The following IL31RA variants were observed in gnomAD, a reference collection of about 807,000 sequenced individuals.
The protein encoded by IL31RA is interleukin-31 receptor subunit alpha.
A neutral mutation model predicts 83.7 loss-of-function variants in IL31RA; 66 were observed. That is an observed-to-expected ratio of 0.79 (90% CI 0.65 to 0.97). The LOEUF is 0.97. Ranked by LOEUF, IL31RA falls within the 50% of genes least tolerant of loss-of-function variation. IL31RA has a pLI of 0.00. For synonymous variants in IL31RA, 325 were observed against 329.0 expected, an observed-to-expected ratio of 0.99 and a Z score of 0.13; for missense variants, 798 against 919.4, an observed-to-expected ratio of 0.87 and a Z score of 1.71.
rs1748526299 is a variant in IL31RA, at chr5:55,897,971, G to A, written c.852+1542G>A. On this transcript the variant is annotated intron_variant, in intron 7 of 14. Transcript: ENST00000652347. ...CATTCCAATTACCTCAGGGTTGGAGGCTCCCGCACCATCGCCCACTCCCTC... is the reference window on the plus strand; with the variant it reads ...CATTCCAATTACCTCAGGGTTGGAGACTCCCGCACCATCGCCCACTCCCTC... Among the ~76,000 whole-genome samples the A allele has an allele frequency of 2.0e-5, 3 of 152,190 alleles. No individual in the cohort carries two copies. In the South Asian group the frequency reaches 6.2e-4, roughly 32 times the overall value.
At position 55,868,909 on chromosome 5, in the gene IL31RA, G is replaced by A. The variant is rs1746349450; in HGVS notation, c.272+1G>A. ...CCCAGTACACAGTTAAGAGAACTTA[G>A]TAAGTACAGGAGCTTGTGTTTTATC... is the stretch of plus-strand genomic sequence containing the variant. On this transcript the variant is annotated splice_donor_variant, in intron 3 of 14. Transcript: ENST00000652347. LOFTEE classifies it high-confidence loss of function. 1 of 1,413,540 alleles carries A rather than the reference G, an allele frequency of 7.1e-7. No homozygotes were observed. The highest frequency in any genetic ancestry group is 1.0e-6 in the Non-Finnish European group (1 of 997,964). 87.6% of individuals were successfully genotyped at this position (1,413,540 alleles called of 1,614,324 possible). A position where few individuals can be genotyped will look rare whatever the true frequency, so the allele number is the denominator to read the frequency against.
chr5:55,869,710 G>A (rs1406749429), intron 3 of IL31RA, among the ~76,000 whole-genome samples: 1 of 152,146 alleles, frequency 6.6e-6, no homozygotes, highest in Non-Finnish European at 1.5e-5. Flanking sequence ...CGGACTTCAA[G>A]TGATCCGCCC....
the IL31RA span, chr5:55,839,860 C>T: frequency 1.3e-6 from 1 of 743,394 alleles, no homozygotes; most frequent in Non-Finnish European, 2.5e-6. Context: ...CAACAAAAGC[C>T]TTGTCACCCA....
Position 55,916,678 on chromosome 5 carries a change from T to C in IL31RA, c.1853T>C (p.Val618Ala). Residue 618 changes from valine (V) to alanine (A), a missense_variant, in exon 15 of 15, where the codon GTG (valine) becomes GCG (alanine). Transcript: ENST00000652347. ...KLNLKESDDS[V>A]NTEDRILKPC... is the part of the protein sequence containing the mutation. ...AACCTGAAGGAGTCTGATGACTCTG[T>C]GAACACAGAAGACAGGATCTTAAAA... 2 of 1,614,194 alleles carry C rather than the reference T, an allele frequency of 1.2e-6. No individual in the cohort carries two copies. The highest frequency in any genetic ancestry group is 1.7e-6 in the Non-Finnish European group (2 of 1,180,028).
At position 55,880,814 on chromosome 5, in the gene IL31RA, T is replaced by C. The variant is rs1250714263; in HGVS notation, c.455-2230T>C. On this transcript the variant is annotated intron_variant, in intron 4 of 14. Coordinates refer to ENST00000652347, the MANE Select transcript of IL31RA (RefSeq NM_139017.7). The stretch of plus-strand genomic sequence containing the variant: ...ACTCTGTGATCAAGACCAGCCTTTG[T>C]CCTCAAGGAGTTTTAAATGAAAAAT... Among the ~76,000 whole-genome samples the C allele has an allele frequency of 3.3e-5, 5 of 152,340 alleles. No homozygotes were observed. The East Asian group carries it at 9.7e-4, about 29-fold the overall frequency.
At chr5:55,869,379 C>T (rs1746374955) in intron 3 of IL31RA, among the ~76,000 whole-genome samples, 1 of 152,146 alleles carries the variant, frequency 6.6e-6, no homozygotes, top group Admixed American at 6.5e-5. Context: ...CCTCAAGCAT[C>T]CCTCTTTATT....
intron 10 of IL31RA, among the ~76,000 whole-genome samples, chr5:55,908,003 G>T (rs924816013): frequency 2.0e-5 from 3 of 152,172 alleles, no homozygotes; most frequent in East Asian, 3.9e-4. Flanking sequence ...AGATATGAAT[G>T]AAAAAGCTGG....
At chr5:55,887,882 C>G (rs1351310805) in intron 5 of IL31RA, among the ~76,000 whole-genome samples, 1 of 135,662 alleles carries the variant, frequency 7.4e-6, no homozygotes, top group Non-Finnish European at 1.6e-5. Context: ...GACTCTGTCT[C>G]AAAAAAAAAA....
At chr5:55,889,860 T>A in intron 5 of IL31RA, 110 bp from the exon 6 acceptor site, 1 of 938,630 alleles carries the variant, frequency 1.1e-6, no homozygotes, top group South Asian at 1.4e-5. Context: ...AAAATTTGAT[T>A]TAGAGTGTTA....
Position 55,903,481 on chromosome 5 carries a change from G to A in IL31RA, c.1070-2625G>A, listed in dbSNP as rs1364622065. Among the ~76,000 whole-genome samples, 4 of 151,112 alleles carry A rather than the reference G, an allele frequency of 2.6e-5. No individual in the cohort carries two copies. Among genetic ancestry groups the A allele is most frequent in the Non-Finnish European group, 6.0e-5 (4 of 67,178 alleles). The stretch of plus-strand genomic sequence containing the variant: ...CCCGGCGATTCGTTTATATTGAGTA[G>A]AGTGATGACTTGGAAATTCCCCTTT... On this transcript the variant is annotated intron_variant, in intron 8 of 14. Transcript: ENST00000652347. The surrounding 1 kb of genome is among the most constrained non-coding windows in gnomAD (Gnocchi z 4.7).
intron 4 of IL31RA, among the ~76,000 whole-genome samples, chr5:55,880,645 T>A (rs1361685193): frequency 6.6e-6 from 1 of 152,154 alleles, no homozygotes; most frequent in Non-Finnish European, 1.5e-5. Context: ...GCCCTAAACA[T>A]GGTCATGCCC....
rs577458198 is a variant in IL31RA, at chr5:55,860,867, G to A, written c.154+1268G>A. ...AAGCAACAGAAATTTATTTTCTCAC[G>A]GTTCTGGAGGCTGGAAGTCCAGTGT... On this transcript the variant is annotated intron_variant, in intron 2 of 14. Transcript: ENST00000652347. Among the ~76,000 whole-genome samples, 10 of 152,246 alleles carry A rather than the reference G, an allele frequency of 6.6e-5. No individual in the cohort carries two copies. The South Asian group carries it at 1.2e-3, about 19-fold the overall frequency.
At chr5:55,888,797 A>T (rs549458518) in intron 5 of IL31RA, among the ~76,000 whole-genome samples, 6 of 152,320 alleles carry the variant, frequency 3.9e-5, no homozygotes, top group African/African-American at 1.2e-4. Flanking sequence ...TTTAGCCCCC[A>T]AAGTGTCATT....
chr5:55,859,655 C>T (rs1183313750), intron 2 of IL31RA, 56 bp downstream of exon 2: 8 of 1,238,306 alleles, frequency 6.5e-6, no homozygotes, highest in Non-Finnish European at 9.6e-6. Flanking sequence ...CTTCTTTGGA[C>T]AAGAGTTGTT....
intron 8 of IL31RA, among the ~76,000 whole-genome samples, chr5:55,901,728 G>C (rs1748830323): frequency 6.6e-6 from 1 of 151,900 alleles, no homozygotes; most frequent in South Asian, 2.1e-4. Flanking sequence ...CAATTATCCT[G>C]CCTCAGCCTC....
At chr5:55,890,673 A>G (rs537095818) in intron 6 of IL31RA, among the ~76,000 whole-genome samples, 1 of 152,362 alleles carries the variant, frequency 6.6e-6, no homozygotes, top group South Asian at 2.1e-4. Flanking sequence ...CCCCGCCAGT[A>G]TCATATCATC....
intron 7 of IL31RA, among the ~76,000 whole-genome samples, chr5:55,898,757 ACTGGGCC>A (rs1748619434): frequency 6.6e-6 from 1 of 151,900 alleles, no homozygotes; most frequent in African/African-American, 2.4e-5. Context: ...CTGGGCGTGG[ACTGGGCC>A]GGTAATCCCA....
chr5:55,854,565 C>T (rs1266240855), intron 1 of IL31RA, among the ~76,000 whole-genome samples: 2 of 151,658 alleles, frequency 1.3e-5, no homozygotes, highest in African/African-American at 2.4e-5. Flanking sequence ...GCCAACATGG[C>T]GAAACTCTGT....
In IL31RA at chr5:55,883,070, C is replaced by A. The variant is rs769003360; in HGVS notation, c.481C>A (p.Arg161Ser). 6.2e-7 allele frequency: 1 copy of A among 1,613,758 alleles called. No individual in the cohort carries two copies. The highest frequency in any genetic ancestry group is 8.5e-7 in the Non-Finnish European group (1 of 1,179,892). ...IAKTEPPKIF[R>S]VKPVLGIKRM... is the part of the protein sequence containing the mutation. ...GAAAACTGAACCACCTAAGATTTTCCGTGTGAAACCAGTTTTGGGCATCAA... is the reference window on the plus strand; with the variant it reads ...GAAAACTGAACCACCTAAGATTTTCAGTGTGAAACCAGTTTTGGGCATCAA... Residue 161 changes from arginine to serine, a missense_variant, in exon 5 of 15, where the codon CGT (arginine) becomes AGT (serine). By Grantham distance (110) the Arg-to-Ser change is moderately radical. Coordinates refer to ENST00000652347, the MANE Select transcript of IL31RA (RefSeq NM_139017.7).
Sources: allele counts gnomAD v4.1 joint callset (sites outside exome capture counted in the v4.1 genomes callset), GRCh38; gene constraint gnomAD v4.1.1; non-coding constraint Gnocchi (gnomAD v3.1); transcripts MANE v1.5; gene names NCBI Gene and HGNC (gene_info 2026-07-23, HGNC 2026-07-21).